TSNARE1: variants seen among roughly 807,000 people sequenced by gnomAD.
TSNARE1 encodes t-SNARE domain containing 1.
Under a neutral mutation model 62.0 loss-of-function variants are expected in TSNARE1, and 49 were observed. The observed-to-expected ratio is 0.79, with a 90% CI of 0.63 to 1.00. The LOEUF (loss-of-function observed/expected upper bound fraction) is 1.00, where lower values mean the gene tolerates loss of function less well. TSNARE1 is among the 50% of genes least tolerant of loss of function. The probability of loss-of-function intolerance (pLI) is 0.00; values close to 1 mark genes in which losing one functional copy is unlikely to be tolerated. For missense variants in TSNARE1, 755 were observed against 700.1 expected (o/e 1.08, Z -0.88); for synonymous variants, 328 against 294.4 (o/e 1.11, Z -1.17).
chr8:142,281,538 A>G (rs1402676464), intron 11 of TSNARE1, among the ~76,000 whole-genome samples: 1 of 151,892 alleles, frequency 6.6e-6, no homozygotes, highest in Non-Finnish European at 1.5e-5. Context: ...GGAAGAGGAC[A>G]TGAGAGACTC....
Position 142,380,497 on chromosome 8 carries a change from G to A in TSNARE1, c.-40+22607C>T, listed in dbSNP as rs529763193. Among the ~76,000 whole-genome samples the A allele has an allele frequency of 2.6e-5, 4 of 152,142 alleles. No homozygotes were observed. In the South Asian group the frequency reaches 8.3e-4, roughly 32 times the overall value. On this transcript the variant is annotated intron_variant, in intron 1 of 13. Coordinates refer to ENST00000524325, the MANE Select transcript of TSNARE1 (RefSeq NM_145003.5). ...CCCTGAGGCAATGTGCCCCTATCAC[G>A]CTGCATCCTGACCCCGCCCCCACCC...
intron 12 of TSNARE1, among the ~76,000 whole-genome samples, chr8:142,240,212 G>A (rs1394469580): frequency 6.6e-6 from 1 of 152,192 alleles, no homozygotes; most frequent in Non-Finnish European, 1.5e-5. Context: ...GTTAAGAGCA[G>A]ACAACATGGA....
intron 9 of TSNARE1, among the ~76,000 whole-genome samples, chr8:142,309,467 T>C (rs1251991056): frequency 6.6e-6 from 1 of 152,258 alleles, no homozygotes; most frequent in African/African-American, 2.4e-5. Flanking sequence ...TTTAGCCTCC[T>C]TGAGTGCTGA....
chr8:142,301,400 G>A (rs1825743791), intron 9 of TSNARE1, among the ~76,000 whole-genome samples: 1 of 117,868 alleles, frequency 8.5e-6, no homozygotes, highest in Admixed American at 8.5e-5. Flanking sequence ...CCCGTCAGGA[G>A]CCCGGCCACA....
Position 142,359,181 on chromosome 8 carries a change from G to A in TSNARE1, c.-39-4418C>T, listed in dbSNP as rs113793046. 1.6e-4 allele frequency among the ~76,000 whole-genome samples: 25 copies of A among 151,868 alleles called. 1 individual carries two copies. The highest frequency in any genetic ancestry group is 4.3e-4 in the African/African-American group (18 of 41,408). On this transcript the variant is annotated intron_variant, in intron 1 of 13. Coordinates refer to ENST00000524325, the MANE Select transcript of TSNARE1 (RefSeq NM_145003.5). The stretch of plus-strand genomic sequence containing the variant: ...CACTTCTCAACCCAGCTGTCCCACC[G>A]GGCCAGCCAGGTGCTCCCATCCTGA...
intron 4 of TSNARE1, 147 bp downstream of exon 4, chr8:142,343,819 A>G (rs1586922375): frequency 3.6e-5 from 12 of 330,592 alleles, no homozygotes; most frequent in South Asian, 8.8e-5. Flanking sequence ...AGGAGGGGAG[A>G]GGAGGAGGGG....
At chr8:142,232,524 C>T (rs1476827741) in intron 12 of TSNARE1, among the ~76,000 whole-genome samples, 1 of 152,226 alleles carries the variant, frequency 6.6e-6, no homozygotes, top group East Asian at 1.9e-4. Flanking sequence ...ACCACAGAAA[C>T]GGACAGGCCA....
At chr8:142,227,517 G>GC (rs1816898187) in intron 13 of TSNARE1, among the ~76,000 whole-genome samples, 2 of 151,964 alleles carry the variant, frequency 1.3e-5, no homozygotes, top group South Asian at 2.1e-4. Context: ...TGACAGCCAG[G>GC]CCCCCCATTC....
At chr8:142,367,903 C>T (rs1401359271) in intron 1 of TSNARE1, among the ~76,000 whole-genome samples, 1 of 152,144 alleles carries the variant, frequency 6.6e-6, no homozygotes, top group East Asian at 1.9e-4. Context: ...AAAATTGGTT[C>T]ATACCTCACA....
chr8:142,287,304 G>A (rs1328113509), intron 10 of TSNARE1, among the ~76,000 whole-genome samples: 2 of 141,096 alleles, frequency 1.4e-5, no homozygotes, highest in Admixed American at 7.0e-5. Flanking sequence ...CCAGGACCCC[G>A]GCCAGATCTC....
chr8:142,223,871 C>T (rs7016042), intron 13 of TSNARE1, among the ~76,000 whole-genome samples: 136,278 of 152,162 alleles, frequency 0.9, 61,101 homozygotes, highest in Non-Finnish European at 0.92. Flanking sequence ...CTCGCTTCTA[C>T]AAGGTCCCAC....
At chr8:142,376,441 G>A (rs1836348586) in intron 1 of TSNARE1, among the ~76,000 whole-genome samples, 1 of 152,220 alleles carries the variant, frequency 6.6e-6, no homozygotes, top group Admixed American at 6.5e-5. Context: ...GCCCTCATCA[G>A]TGGGATGAGT....
intron 11 of TSNARE1, among the ~76,000 whole-genome samples, chr8:142,284,163 G>GT (rs1822279759): frequency 1.3e-5 from 2 of 152,218 alleles, no homozygotes; most frequent in African/African-American, 4.8e-5. Flanking sequence ...GTGGGGGCCA[G>GT]TGTCTGTCAA....
At chr8:142,392,742 A>T (rs910186638) in intron 1 of TSNARE1, among the ~76,000 whole-genome samples, 2 of 152,084 alleles carry the variant, frequency 1.3e-5, no homozygotes, top group African/African-American at 4.8e-5. Flanking sequence ...TGAGTTTGAG[A>T]CCACGCGGGC....
At chr8:142,236,331 G>C (rs983469843) in intron 12 of TSNARE1, among the ~76,000 whole-genome samples, 2 of 151,908 alleles carry the variant, frequency 1.3e-5, no homozygotes, top group Non-Finnish European at 2.9e-5. Flanking sequence ...GAGGTGGGGA[G>C]CCTGGCAGGG....
intron 12 of TSNARE1, among the ~76,000 whole-genome samples, chr8:142,256,492 C>A (rs1477982321): frequency 6.8e-6 from 1 of 147,994 alleles, no homozygotes; most frequent in Non-Finnish European, 1.5e-5. Context: ...CCACCACCAT[C>A]ACCATCACTG....
chr8:142,248,504 C>T (rs1563775150), intron 12 of TSNARE1, among the ~76,000 whole-genome samples: 1 of 152,192 alleles, frequency 6.6e-6, no homozygotes, highest in South Asian at 2.1e-4. Context: ...CTGTCTAGCT[C>T]CCAGGCTGAG....
intron 10 of TSNARE1, among the ~76,000 whole-genome samples, chr8:142,290,971 A>G (rs1456959970): frequency 2.0e-5 from 3 of 152,174 alleles, no homozygotes; most frequent in Non-Finnish European, 4.4e-5. Flanking sequence ...TGCTGGCAGA[A>G]AGCAGACACC....
At chr8:142,277,892 C>A (rs1820764621) in intron 11 of TSNARE1, 1 of 985,280 alleles carries the variant, frequency 1.0e-6, no homozygotes, top group Non-Finnish European at 1.2e-6. Flanking sequence ...CCAGTGCCAC[C>A]CCTGCCAGGC....
Sources: gnomAD v4.1 joint callset for allele counts (sites outside exome capture counted in the v4.1 genomes callset) on GRCh38, gnomAD v4.1.1 for gene constraint, MANE v1.5 for transcripts, NCBI Gene and HGNC (gene_info 2026-07-23, HGNC 2026-07-21) for gene names.